The following PTPRU variants were observed in gnomAD, a reference collection of about 807,000 sequenced individuals.
PTPRU encodes receptor-type tyrosine-protein phosphatase U.
In PTPRU, 69 loss-of-function variants were observed where a neutral mutation model predicts 166.3. The ratio of observed to expected loss-of-function variants is 0.41; its 90% CI spans 0.34 to 0.51. PTPRU has a LOEUF of 0.51. Ranked by LOEUF, PTPRU falls within the 20% of genes least tolerant of loss-of-function variation. PTPRU has a pLI of 0.09. For synonymous variants in PTPRU, 793 were observed against 814.0 expected, an observed-to-expected ratio of 0.97 and a Z score of 0.44; for missense variants, 1,657 against 2,013.7, an observed-to-expected ratio of 0.82 and a Z score of 3.39.
chr1:29,293,695 C>T (rs1388185479), intron 15 of PTPRU, among the ~76,000 whole-genome samples: 6 of 151,038 alleles, frequency 4.0e-5, no homozygotes, highest in Non-Finnish European at 8.9e-5. Context: ...AGGATGGTCT[C>T]GATCTCCTGA....
Position 29,304,860 on chromosome 1 carries a change from G to A in PTPRU, c.2743+11G>A, listed in dbSNP as rs760368771. 9 of 1,607,246 alleles carry A rather than the reference G, an allele frequency of 5.6e-6. No homozygotes were observed. In the East Asian group the frequency reaches 2.0e-4, roughly 36 times the overall value. On this transcript the variant is annotated intron_variant, in intron 17 of 29. Transcript: ENST00000373779. ...AGCCAATGCCTGCCTGTGAGTCCTGGGGAAGGGCCTGGGGTCCAGGGCAGT... is the reference window on the plus strand; with the variant it reads ...AGCCAATGCCTGCCTGTGAGTCCTGAGGAAGGGCCTGGGGTCCAGGGCAGT...
chr1:29,317,305 C>T lies in PTPRU; in HGVS notation c.3514-443C>T, dbSNP rs779243989. Reference sequence around the variant, plus strand: ...ACCCCCTCTCCACGTGCCTGGAGTCCGCTTCTTGGAGGGTGTGGGGTTTCA... The same window carrying T: ...ACCCCCTCTCCACGTGCCTGGAGTCTGCTTCTTGGAGGGTGTGGGGTTTCA... On this transcript the variant is annotated intron_variant, in intron 24 of 29. Transcript: ENST00000373779. The surrounding 1 kb of genome is among the most constrained non-coding windows in gnomAD (Gnocchi z 5.6). 9.9e-5 allele frequency among the ~76,000 whole-genome samples: 15 copies of T among 152,088 alleles called. No homozygotes were observed. Among genetic ancestry groups the T allele is most frequent in the East Asian group, 5.8e-4 (3 of 5,188 alleles).
chr1:29,306,049 G>A (rs569339390), intron 18 of PTPRU, among the ~76,000 whole-genome samples: 2 of 152,342 alleles, frequency 1.3e-5, no homozygotes, highest in South Asian at 4.1e-4. Flanking sequence ...GGAGCGACTT[G>A]TCCCAGGTTG....
In PTPRU at chr1:29,325,270, G is replaced by C; in HGVS notation, c.4192G>C (p.Val1398Leu). ...GATCCGCTGCCACAACTTGGTGGAC[G>C]TTTTCTTTGCTGCCAAAACCCTCCG... ...EMIRCHNLVD[V>L]FFAAKTLRNY... The change falls in exon 29 of 30, where the codon GTT (valine) becomes CTT (leucine). Residue 1398 changes from valine (V) to leucine (L), a missense_variant. Coordinates refer to ENST00000373779, the MANE Select transcript of PTPRU (RefSeq NM_133178.4). 1.9e-6 allele frequency: 3 copies of C among 1,614,180 alleles called. No homozygotes were observed. Among genetic ancestry groups the C allele is most frequent in the Non-Finnish European group, 2.5e-6 (3 of 1,180,010 alleles).
chr1:29,262,292 T>C (rs1025168450), intron 7 of PTPRU, among the ~76,000 whole-genome samples: 1 of 152,260 alleles, frequency 6.6e-6, no homozygotes, highest in African/African-American at 2.4e-5. Flanking sequence ...TTGGCTTTTT[T>C]TGGATAACAG....
At chr1:29,263,063 C>A (rs1685144004) in intron 7 of PTPRU, among the ~76,000 whole-genome samples, 2 of 152,206 alleles carry the variant, frequency 1.3e-5, no homozygotes, top group African/African-American at 4.8e-5. Flanking sequence ...CGGCTCACTG[C>A]AACCTCCACC....
Position 29,311,606 on chromosome 1 carries a change from A to G in PTPRU, c.2956-37A>G, listed in dbSNP as rs2151966712. ...GCGCATGGCAGGCCAAGGGGGCAGC[A>G]AAGAGCCCACTGAGTCCCGTCCTGT... On this transcript the variant is annotated intron_variant, in intron 20 of 29. Coordinates refer to ENST00000373779, the MANE Select transcript of PTPRU (RefSeq NM_133178.4). This position sits in a 1 kb window ranked among gnomAD's most constrained non-coding sequence, Gnocchi z 4.1. 1 of 1,614,012 alleles carries G rather than the reference A, an allele frequency of 6.2e-7. No individual in the cohort carries two copies.
chr1:29,288,803 C>T (rs908973186), intron 14 of PTPRU, among the ~76,000 whole-genome samples: 23 of 152,290 alleles, frequency 1.5e-4, no homozygotes, highest in South Asian at 1.0e-3. Context: ...CTGGACTCTG[C>T]CACTGACCCC....
intron 1 of PTPRU, among the ~76,000 whole-genome samples, chr1:29,249,036 CAA>C (rs1213854726): frequency 1.3e-5 from 2 of 152,214 alleles, no homozygotes; most frequent in Admixed American, 6.5e-5. Flanking sequence ...GTCACCTGCC[CAA>C]AGTCACAAAG....
intron 7 of PTPRU, among the ~76,000 whole-genome samples, chr1:29,270,072 A>G (rs1194953685): frequency 6.6e-6 from 1 of 152,126 alleles, no homozygotes; most frequent in Non-Finnish European, 1.5e-5. Flanking sequence ...TTTCTTTAGG[A>G]TAAAGTGTCA....
Position 29,311,450 on chromosome 1 carries a change from C to A in PTPRU, c.2858-6C>A. ...AGGGACAGGCACCCTCTGCCTGCATCCCCAGGGCCGAAGCCTGAGATGGTC... is the reference window on the plus strand; with the variant it reads ...AGGGACAGGCACCCTCTGCCTGCATACCCAGGGCCGAAGCCTGAGATGGTC... On this transcript the variant is annotated splice_region_variant and splice_polypyrimidine_tract_variant and intron_variant, in intron 19 of 29. Coordinates refer to ENST00000373779, the MANE Select transcript of PTPRU (RefSeq NM_133178.4). The surrounding 1 kb of genome is among the most constrained non-coding windows in gnomAD (Gnocchi z 4.1). 8.7e-6 allele frequency: 14 copies of A among 1,613,950 alleles called. No individual in the cohort carries two copies. The highest frequency in any genetic ancestry group is 1.2e-5 in the Non-Finnish European group (14 of 1,179,952).
At chr1:29,240,242 G>T (rs1159471671) in intron 1 of PTPRU, among the ~76,000 whole-genome samples, 1 of 152,120 alleles carries the variant, frequency 6.6e-6, no homozygotes, top group South Asian at 2.1e-4. Flanking sequence ...GGGGGTGGGG[G>T]TCAATTGGAT....
At chr1:29,295,787 A>G (rs1294528414) in intron 15 of PTPRU, among the ~76,000 whole-genome samples, 1 of 152,060 alleles carries the variant, frequency 6.6e-6, no homozygotes, top group African/African-American at 2.4e-5. Flanking sequence ...CCCTGGTTCA[A>G]GTGATTCTCC....
chr1:29,321,963 C>T (rs994404764), intron 26 of PTPRU, among the ~76,000 whole-genome samples: 1 of 152,248 alleles, frequency 6.6e-6, no homozygotes, highest in Non-Finnish European at 1.5e-5. Context: ...TGCTTTAGGT[C>T]TCTGGACCCC....
rs1683852898 is a variant in PTPRU at position 29,237,925 on chromosome 1, G to C, written c.73+1208G>C. Among the ~76,000 whole-genome samples the C allele has an allele frequency of 6.7e-6, 1 of 149,464 alleles. No individual in the cohort carries two copies. The highest frequency in any genetic ancestry group is 2.1e-4 in the South Asian group (1 of 4,816). On this transcript the variant is annotated intron_variant, in intron 1 of 29. Transcript: ENST00000373779. The surrounding 1 kb of genome is among the most constrained non-coding windows in gnomAD (Gnocchi z 6.4). ...GGGCTGCGACGTCCGGGCGCGGGCA[G>C]GGCCTGGCTCGCCGCCGGGGGACGG...
chr1:29,269,020 A>G (rs78834786), intron 7 of PTPRU, among the ~76,000 whole-genome samples: 6,747 of 151,906 alleles, frequency 0.044, 525 homozygotes, highest in African/African-American at 0.15. Flanking sequence ...TTTCTCATCC[A>G]GTGTTTTGTT....
Position 29,323,266 on chromosome 1 carries a change from C to T in PTPRU, c.3829-105C>T, listed in dbSNP as rs1252787591. The stretch of plus-strand genomic sequence containing the variant: ...TGGAGTGAGTGGGTGGGCCAGGGTT[C>T]GTGGGAGCCACAGGGCAAGTGTGGA... On this transcript the variant is annotated intron_variant, in intron 26 of 29. Transcript: ENST00000373779. 14 of 1,424,492 alleles carry T rather than the reference C, an allele frequency of 9.8e-6. No homozygotes were observed. The East Asian group carries it at 1.2e-4, about 13-fold the overall frequency. 88.2% of individuals were successfully genotyped at this position (1,424,492 alleles called of 1,614,324 possible). A position where few individuals can be genotyped will look rare whatever the true frequency, so the allele number is the denominator to read the frequency against.
rs762245468 is a variant in PTPRU, at chr1:29,255,412, T to C, written c.205+6T>C. On this transcript the variant is annotated splice_donor_region_variant and intron_variant, in intron 2 of 29. Coordinates refer to ENST00000373779, the MANE Select transcript of PTPRU (RefSeq NM_133178.4). ...ACCTGCGGACCTGCCCCACGGTAAGTCTACTCTCCATCGCCATTACCCCTT... is the reference window on the plus strand; with the variant it reads ...ACCTGCGGACCTGCCCCACGGTAAGCCTACTCTCCATCGCCATTACCCCTT... The C allele has an allele frequency of 1.4e-5, 23 of 1,614,046 alleles. No homozygotes were observed. In the South Asian group the frequency reaches 2.4e-4, roughly 17 times the overall value.
rs201633437 is a variant in PTPRU at position 29,323,327 on chromosome 1, G to C, written c.3829-44G>C. Reference sequence around the variant, plus strand: ...TGGGCATGGCTGTGGGGTGAGCCCCGGCCAGGCTCTACTCAGCTCTCCCCT... The same window carrying C: ...TGGGCATGGCTGTGGGGTGAGCCCCCGCCAGGCTCTACTCAGCTCTCCCCT... On this transcript the variant is annotated intron_variant, in intron 26 of 29. Transcript: ENST00000373779. The C allele has an allele frequency of 1.3e-5, 20 of 1,588,414 alleles. No homozygotes were observed. The East Asian group carries it at 4.6e-4, about 37-fold the overall frequency.
Sources: allele counts gnomAD v4.1 joint callset (sites outside exome capture counted in the v4.1 genomes callset), GRCh38; gene constraint gnomAD v4.1.1; non-coding constraint Gnocchi (gnomAD v3.1); transcripts MANE v1.5; gene names NCBI Gene and HGNC (gene_info 2026-07-23, HGNC 2026-07-21).